Variants in RAB2A observed in about 807,000 individuals in gnomAD.
RAB2A encodes the protein RAB2A, member RAS oncogene family, also known as ras-related protein Rab-2A.
In RAB2A, 7 loss-of-function variants were observed where a neutral mutation model predicts 32.5. The ratio of observed to expected loss-of-function variants is 0.22; its 90% CI spans 0.12 to 0.40. The LOEUF (loss-of-function observed/expected upper bound fraction) is 0.40, where lower values mean the gene tolerates loss of function less well. Among genes scored for constraint, RAB2A ranks in the 10% least tolerant of loss-of-function variants. The pLI, the probability that RAB2A is intolerant of heterozygous loss-of-function variation, is 1.00. For missense variants in RAB2A, 108 were observed against 260.7 expected, an observed-to-expected ratio of 0.41 and a Z score of 4.03; for synonymous variants, 79 against 85.2, an observed-to-expected ratio of 0.93 and a Z score of 0.40.
intron 6 of RAB2A, among the ~76,000 whole-genome samples, chr8:60,600,067 A>T (rs1586107885): frequency 2.7e-5 from 1 of 36,558 alleles, no homozygotes. Context: ...ACTCGGTAGT[A>T]AAAAAAAAAA....
At chr8:60,587,266 G>A (rs1050527567) in intron 5 of RAB2A, among the ~76,000 whole-genome samples, 1 of 152,102 alleles carries the variant, frequency 6.6e-6, no homozygotes, top group South Asian at 2.1e-4. Flanking sequence ...TGAAGAAGGG[G>A]TAATCTTTTT....
At chr8:60,604,889 A>C (rs1415332511) in intron 6 of RAB2A, among the ~76,000 whole-genome samples, 2 of 152,248 alleles carry the variant, frequency 1.3e-5, no homozygotes, top group Admixed American at 6.5e-5. Flanking sequence ...AGTCCATTTC[A>C]GGAGAGGAAT....
chr8:60,605,828 A>AATATATATATATATATATAT (rs765737905), intron 6 of RAB2A, among the ~76,000 whole-genome samples: 22 of 114,000 alleles, frequency 1.9e-4, no homozygotes, highest in East Asian at 1.2e-3. Flanking sequence ...AAAAGGGACT[A>AATATATATATATATATATAT]ATACATATAT....
At chr8:60,526,971 A>C (rs1452498750) in intron 1 of RAB2A, among the ~76,000 whole-genome samples, 1 of 149,016 alleles carries the variant, frequency 6.7e-6, no homozygotes, top group Non-Finnish European at 1.5e-5. Flanking sequence ...TCCATCTCAA[A>C]AAAAAAAAAA....
chr8:60,557,377 A>G (rs1807955396), intron 1 of RAB2A, among the ~76,000 whole-genome samples: 1 of 152,066 alleles, frequency 6.6e-6, no homozygotes, highest in African/African-American at 2.4e-5. Context: ...TTAATCGGGC[A>G]TGGTGGTGTG....
rs2130830762 is a variant in RAB2A, at chr8:60,558,868, C to T, written c.63C>T (p.Cys21=). ...IIGDTGVGKS[C]LLLQFTDKRF... ...AACTTTCAGGTGTTGGTAAATCATGCTTATTGCTACAGTTTACAGACAAGA... is the reference window on the plus strand; with the variant it reads ...AACTTTCAGGTGTTGGTAAATCATGTTTATTGCTACAGTTTACAGACAAGA... The change falls in exon 2 of 8, where the codon TGC becomes TGT. Residue 21 remains cysteine (C), a synonymous_variant. Transcript: ENST00000262646. 2.5e-6 allele frequency: 4 copies of T among 1,612,502 alleles called. No individual in the cohort carries two copies. Among genetic ancestry groups the T allele is most frequent in the Middle Eastern group, 1.7e-4 (1 of 6,020 alleles).
At chr8:60,616,221 G>A (rs890025600) in intron 6 of RAB2A, among the ~76,000 whole-genome samples, 1 of 152,182 alleles carries the variant, frequency 6.6e-6, no homozygotes, top group African/African-American at 2.4e-5. Flanking sequence ...TTAATTTTAT[G>A]TAGCATCACT....
intron 2 of RAB2A, among the ~76,000 whole-genome samples, chr8:60,561,736 T>C (rs984558284): frequency 6.6e-6 from 1 of 152,244 alleles, no homozygotes; most frequent in Non-Finnish European, 1.5e-5. Flanking sequence ...TCTCTTGTTC[T>C]GTCCACTCTT....
chr8:60,560,075 A>G (rs1452338585), intron 2 of RAB2A, among the ~76,000 whole-genome samples: 1 of 152,158 alleles, frequency 6.6e-6, no homozygotes, highest in Non-Finnish European at 1.5e-5. Flanking sequence ...GCTGGTCCTG[A>G]TAACTTTGTT....
At chr8:60,549,088 C>T in intron 1 of RAB2A, among the ~76,000 whole-genome samples, 1 of 150,426 alleles carries the variant, frequency 6.6e-6, no homozygotes, top group African/African-American at 2.5e-5. Context: ...TGATGGCGGC[C>T]GGGAAGAGGC....
chr8:60,555,416 A>G (rs899495816), intron 1 of RAB2A, among the ~76,000 whole-genome samples: 2 of 150,826 alleles, frequency 1.3e-5, no homozygotes, highest in Non-Finnish European at 2.9e-5. Context: ...ACAGCAAAGG[A>G]AACAATCAAT....
intron 2 of RAB2A, among the ~76,000 whole-genome samples, chr8:60,560,669 G>A (rs1038958105): frequency 1.3e-5 from 2 of 152,056 alleles, no homozygotes; most frequent in Admixed American, 1.3e-4. Flanking sequence ...TGCAGCCCAG[G>A]ACAGTTTTGA....
At position 60,621,776 on chromosome 8, in the gene RAB2A, A is replaced by T. The variant is rs1224107725; in HGVS notation, c.*1007A>T. ...CCTTGATGTACAGTGACTGTGTAAA[A>T]TTTTTCTTTCAGTGGCAACCTCTAT... On this transcript the variant is annotated 3_prime_UTR_variant, in exon 8 of 8. Coordinates refer to ENST00000262646, the MANE Select transcript of RAB2A (RefSeq NM_002865.3). 1 of 152,038 alleles carries T rather than the reference A, an allele frequency of 6.6e-6. No individual in the cohort carries two copies. 9.4% of individuals were successfully genotyped at this position (152,038 alleles called of 1,614,324 possible).
intron 6 of RAB2A, among the ~76,000 whole-genome samples, chr8:60,611,873 T>C (rs930891381): frequency 2.0e-5 from 3 of 152,242 alleles, no homozygotes; most frequent in Admixed American, 6.5e-5. Flanking sequence ...ATATTTATGA[T>C]TTTTAAAACT....
intron 1 of RAB2A, chr8:60,552,648 G>A (rs1345262902): frequency 6.6e-6 from 1 of 152,182 alleles, no homozygotes; most frequent in Non-Finnish European, 1.5e-5. Context: ...GAAACTTGAT[G>A]ATTGTCTGGC....
At chr8:60,547,403 G>T (rs1419902608) in intron 1 of RAB2A, among the ~76,000 whole-genome samples, 5 of 152,294 alleles carry the variant, frequency 3.3e-5, no homozygotes, top group African/African-American at 1.2e-4. Context: ...TTCTCAATGA[G>T]CTGTTGGCTA....
chr8:60,526,672 A>G (rs1365876772), intron 1 of RAB2A, among the ~76,000 whole-genome samples: 3 of 152,162 alleles, frequency 2.0e-5, no homozygotes, highest in African/African-American at 7.2e-5. Flanking sequence ...TCACACTGCT[A>G]TAAAGAACTA....
rs993725094 is a variant in RAB2A at position 60,550,035 on chromosome 8, C to T, written c.47-8817C>T. ...TCTTTACATGTGGCTTATCTTCATC[C>T]TGAATGTCTTTCTTGAAATCTGTAC... On this transcript the variant is annotated intron_variant, in intron 1 of 7. Transcript: ENST00000262646. Among the ~76,000 whole-genome samples the T allele has an allele frequency of 2.0e-5, 3 of 152,114 alleles. No individual in the cohort carries two copies. In the South Asian group the frequency reaches 6.2e-4, roughly 31 times the overall value.
intron 6 of RAB2A, among the ~76,000 whole-genome samples, chr8:60,603,637 T>TC (rs1804175641): frequency 6.6e-6 from 1 of 152,156 alleles, no homozygotes. Context: ...AAAACACAGT[T>TC]CAACTCAAGG....
Sources: gnomAD v4.1 joint callset for allele counts (sites outside exome capture counted in the v4.1 genomes callset) on GRCh38, gnomAD v4.1.1 for gene constraint, MANE v1.5 for transcripts, NCBI Gene and HGNC (gene_info 2026-07-23, HGNC 2026-07-21) for gene names.